Variants in NRG1 observed in about 807,000 individuals in gnomAD.
NRG1 encodes pro-neuregulin-1, membrane-bound isoform.
A neutral mutation model predicts 63.8 loss-of-function variants in NRG1; 18 were observed. That is an observed-to-expected ratio of 0.28 (90% CI 0.19 to 0.42). The LOEUF (loss-of-function observed/expected upper bound fraction) is 0.42, where lower values mean the gene tolerates loss of function less well. NRG1 is among the 10% of genes least tolerant of loss of function. The pLI, the probability that NRG1 is intolerant of heterozygous loss-of-function variation, is 1.00. For synonymous variants in NRG1, 302 were observed against 301.3 expected (o/e 1.00, Z -0.02); for missense variants, 762 against 814.7 (o/e 0.94, Z 0.79).
At chr8:31,891,509 G>A (rs1027250156) in intron 1 of NRG1, among the ~76,000 whole-genome samples, 23 of 152,072 alleles carry the variant, frequency 1.5e-4, no homozygotes, top group South Asian at 4.1e-4. Context: ...GCAAAGATGC[G>A]GAGAAACTGG....
intron 1 of NRG1, among the ~76,000 whole-genome samples, chr8:31,782,947 A>G (rs1819832506): frequency 6.6e-6 from 1 of 152,196 alleles, no homozygotes; most frequent in Admixed American, 6.5e-5. Flanking sequence ...AATGTCCAGT[A>G]TCATTGTTAT....
intron 1 of NRG1, among the ~76,000 whole-genome samples, chr8:32,467,193 T>A (rs1018294011): frequency 6.6e-6 from 1 of 152,334 alleles, no homozygotes; most frequent in East Asian, 1.9e-4. Flanking sequence ...ACTAGTTACA[T>A]GCCCATGGCA....
In NRG1 at chr8:32,481,707, C is replaced by T. The variant is rs563750334; in HGVS notation, c.38-114121C>T. Among the ~76,000 whole-genome samples the T allele has an allele frequency of 1.4e-3, 220 of 152,364 alleles. 1 individual carries two copies. The highest frequency in any genetic ancestry group is 1.9e-3 in the Admixed American group (29 of 15,304). ...AGCTGATAGGAGTCTGAAATAGCTG[C>T]TATAAGGACTAAATACATTAATATA... is the stretch of plus-strand genomic sequence containing the variant. On this transcript the variant is annotated intron_variant, in intron 1 of 10. Coordinates refer to the NRG1 transcript ENST00000519301.
intron 1 of NRG1, among the ~76,000 whole-genome samples, chr8:32,553,601 G>T (rs531577819): frequency 4.3e-4 from 66 of 152,194 alleles, no homozygotes; most frequent in African/African-American, 1.6e-3. Context: ...GCTATGAGAA[G>T]ATTTTGAAAC....
intron 1 of NRG1, among the ~76,000 whole-genome samples, chr8:32,194,028 G>T (rs1842742539): frequency 6.6e-6 from 1 of 152,194 alleles, no homozygotes. Flanking sequence ...CCCATTCATG[G>T]GACTTTGTTA....
rs77003670 is a variant in NRG1, at chr8:31,819,769, A to G, written c.37+180338A>G. Among the ~76,000 whole-genome samples, 15 of 152,352 alleles carry G rather than the reference A, an allele frequency of 9.8e-5. No homozygotes were observed. The East Asian group carries it at 2.9e-3, about 29-fold the overall frequency. On this transcript the variant is annotated intron_variant, in intron 1 of 10. Transcript: ENST00000519301. ...TTTCCTCTTGACATGGAACTATTCA[A>G]CAAAGCCTCACATAAGCTAACATTT... is the stretch of plus-strand genomic sequence containing the variant.
In NRG1 at chr8:32,662,918, C is replaced by T. The variant is rs549201855; in HGVS notation, c.502+46033C>T. ...ACATTACCTTCTCATAAAAATAAAG[C>T]GAGATATGCCTGAGAGCCTCCTGTA... On this transcript the variant is annotated intron_variant, in intron 5 of 11. Transcript: ENST00000356819. 7.0e-4 allele frequency among the ~76,000 whole-genome samples: 107 copies of T among 152,174 alleles called. No individual in the cohort carries two copies. The South Asian group carries it at 0.019, about 28-fold the overall frequency.
chr8:31,947,717 G>A (rs1802802699), intron 1 of NRG1, among the ~76,000 whole-genome samples: 1 of 151,994 alleles, frequency 6.6e-6, no homozygotes, highest in Non-Finnish European at 1.5e-5. Flanking sequence ...GCCAAGGCAG[G>A]TGGATCGTCT....
intron 5 of NRG1, among the ~76,000 whole-genome samples, chr8:32,697,409 A>G (rs529108813): frequency 3.3e-4 from 51 of 152,334 alleles, no homozygotes; most frequent in Non-Finnish European, 5.9e-4. Context: ...AGCTTGAACA[A>G]ATTAGAGGAT....
At chr8:32,635,137 G>T (rs1851086483) in intron 5 of NRG1, among the ~76,000 whole-genome samples, 1 of 152,146 alleles carries the variant, frequency 6.6e-6, no homozygotes, top group Non-Finnish European at 1.5e-5. Flanking sequence ...TTCACTTTCT[G>T]CAGATTGCAC....
intron 1 of NRG1, among the ~76,000 whole-genome samples, chr8:31,645,643 G>T (rs1398451032): frequency 6.6e-6 from 1 of 152,210 alleles, no homozygotes; most frequent in Non-Finnish European, 1.5e-5. Context: ...CCTAGAGAGA[G>T]ATGCATATGT....
chr8:31,865,752 A>G (rs945646487), intron 1 of NRG1, among the ~76,000 whole-genome samples: 1 of 152,142 alleles, frequency 6.6e-6, no homozygotes, highest in Non-Finnish European at 1.5e-5. Context: ...ACCTCTTTCC[A>G]TTATAAATTA....
intron 1 of NRG1, among the ~76,000 whole-genome samples, chr8:31,898,489 G>A (rs560146467): frequency 6.6e-6 from 1 of 152,210 alleles, no homozygotes; most frequent in East Asian, 1.9e-4. Flanking sequence ...TTGATTTCAA[G>A]ATTTTCTTAT....
chr8:31,968,351 A>G (rs1315249630), intron 1 of NRG1, among the ~76,000 whole-genome samples: 10 of 152,186 alleles, frequency 6.6e-5, no homozygotes, highest in African/African-American at 2.2e-4. Context: ...GTAAAGGAAA[A>G]GCAGGGAGTG....
At chr8:31,908,476 C>G (rs984497415) in intron 1 of NRG1, among the ~76,000 whole-genome samples, 2 of 152,096 alleles carry the variant, frequency 1.3e-5, no homozygotes, top group Non-Finnish European at 2.9e-5. Context: ...CGGGTATGTG[C>G]GGCAACCTTG....
intron 1 of NRG1, among the ~76,000 whole-genome samples, chr8:32,047,112 C>T (rs565294417): frequency 3.3e-5 from 5 of 151,902 alleles, no homozygotes; most frequent in Non-Finnish European, 5.9e-5. Flanking sequence ...TTTCTCTATT[C>T]CCTAAAGATC....
chr8:32,231,894 C>CA (rs11292016), intron 1 of NRG1, among the ~76,000 whole-genome samples: 206 of 135,836 alleles, frequency 1.5e-3, no homozygotes, highest in East Asian at 2.9e-3. Flanking sequence ...GACTCCATCT[C>CA]AAAAAAAAAA....
chr8:32,733,930 G>A (rs996174770), intron 6 of NRG1, among the ~76,000 whole-genome samples: 6 of 152,204 alleles, frequency 3.9e-5, no homozygotes, highest in Non-Finnish European at 5.9e-5. Flanking sequence ...TCTGAGACAC[G>A]GTAACATGCA....
intron 10 of NRG1, among the ~76,000 whole-genome samples, chr8:32,759,923 GATTATA>G (rs1316447091): frequency 2.6e-5 from 4 of 152,288 alleles, no homozygotes; most frequent in African/African-American, 7.2e-5. Context: ...AGAACAGAGA[GATTATA>G]ATTATATACT....
Sources: gnomAD v4.1 joint callset for allele counts (sites outside exome capture counted in the v4.1 genomes callset) on GRCh38, gnomAD v4.1.1 for gene constraint, MANE v1.5 for transcripts, NCBI Gene and HGNC (gene_info 2026-07-23, HGNC 2026-07-21) for gene names.